Variants in FRS2 observed in about 807,000 individuals in gnomAD.
FRS2 encodes fibroblast growth factor receptor substrate 2, also known as FGFR signalling adaptor.
FRS2 carries 8 observed loss-of-function variants against 43.9 expected under a neutral mutation model. That is an observed-to-expected ratio of 0.18 (90% CI 0.11 to 0.33). The LOEUF is 0.33. FRS2 is among the 10% of genes least tolerant of loss of function. The pLI, the probability that FRS2 is intolerant of heterozygous loss-of-function variation, is 1.00. For missense variants in FRS2, 534 were observed against 627.6 expected, an observed-to-expected ratio of 0.85 and a Z score of 1.59; for synonymous variants, 219 against 220.3, an observed-to-expected ratio of 0.99 and a Z score of 0.05.
intron 7 of FRS2, 41 bp from the exon 8 acceptor site, chr12:69,572,077 C>T (rs989543763): frequency 3.2e-6 from 5 of 1,545,876 alleles, no homozygotes; most frequent in Non-Finnish European, 4.5e-6. Context: ...ATTCTCTCTG[C>T]CCCGCCCCCC....
chr12:69,470,797 C>T (rs1315768711), intron 1 of FRS2, among the ~76,000 whole-genome samples: 3 of 152,120 alleles, frequency 2.0e-5, no homozygotes, highest in Admixed American at 6.5e-5. Flanking sequence ...ATGGGCTGGG[C>T]CTCTGTTCGT....
intron 3 of FRS2, among the ~76,000 whole-genome samples, chr12:69,553,748 G>A (rs914637673): frequency 7.9e-5 from 12 of 152,200 alleles, no homozygotes; most frequent in African/African-American, 2.7e-4. Context: ...AGGAATGGGC[G>A]TAGGTGGTAG....
chr12:69,576,660 C>T lies in FRS2; in HGVS notation c.*1705C>T, dbSNP rs1242854847. 6.6e-6 allele frequency: 1 copy of T among 152,154 alleles called. No individual in the cohort carries two copies. The highest frequency in any genetic ancestry group is 1.5e-5 in the Non-Finnish European group (1 of 68,018). 9.4% of individuals were successfully genotyped at this position (152,154 alleles called of 1,614,324 possible). A position where few individuals can be genotyped will look rare whatever the true frequency, so the allele number is the denominator to read the frequency against. ...ATAGGACAATGATGGATTAGGAGAA[C>T]AATAGAGTGGGATCATTATAAAGAA... On this transcript the variant is annotated 3_prime_UTR_variant, in exon 9 of 9. Transcript: ENST00000549921.
At chr12:69,545,902 A>G (rs1265659415) in intron 3 of FRS2, among the ~76,000 whole-genome samples, 6 of 152,220 alleles carry the variant, frequency 3.9e-5, no homozygotes, top group Non-Finnish European at 7.3e-5. Flanking sequence ...GAAACTGGAT[A>G]TCTACATACA....
intron 1 of FRS2, among the ~76,000 whole-genome samples, chr12:69,517,341 G>A (rs1006712110): frequency 6.6e-6 from 1 of 152,134 alleles, no homozygotes; most frequent in Non-Finnish European, 1.5e-5. Flanking sequence ...TTCATGTTTA[G>A]ACTTGGTCTC....
At chr12:69,513,613 G>A (rs1387023994) in intron 1 of FRS2, among the ~76,000 whole-genome samples, 2 of 152,162 alleles carry the variant, frequency 1.3e-5, no homozygotes, top group Non-Finnish European at 2.9e-5. Context: ...TATTTTAACA[G>A]AGAATTGAAT....
chr12:69,570,715 C>G (rs760575970), intron 6 of FRS2, among the ~76,000 whole-genome samples, 198 bp downstream of exon 6: 1 of 152,126 alleles, frequency 6.6e-6, no homozygotes, highest in South Asian at 2.1e-4. Context: ...AATTTTGGCT[C>G]ATGTCAACTT....
intron 1 of FRS2, among the ~76,000 whole-genome samples, chr12:69,494,833 G>A (rs753489800): frequency 7.2e-5 from 11 of 152,230 alleles, no homozygotes; most frequent in South Asian, 2.1e-4. Context: ...GAGTACAGTG[G>A]TGCACTCTCG....
chr12:69,534,997 C>T (rs1877138825), intron 3 of FRS2, among the ~76,000 whole-genome samples: 1 of 152,078 alleles, frequency 6.6e-6, no homozygotes, highest in African/African-American at 2.4e-5. Context: ...TTAATAGTCC[C>T]AAGTAAATGA....
intron 1 of FRS2, among the ~76,000 whole-genome samples, chr12:69,518,003 T>A (rs539816631): frequency 1.3e-5 from 2 of 151,978 alleles, no homozygotes; most frequent in East Asian, 3.9e-4. Context: ...ATATTAAGCA[T>A]TTTTTTTATG....
At chr12:69,528,545 C>A (rs1206582258) in intron 1 of FRS2, among the ~76,000 whole-genome samples, 3 of 152,168 alleles carry the variant, frequency 2.0e-5, no homozygotes, top group African/African-American at 7.2e-5. Flanking sequence ...AACAAAACAA[C>A]AGTTTAAGAA....
chr12:69,507,962 T>G (rs1259450714), intron 1 of FRS2, among the ~76,000 whole-genome samples: 1 of 142,078 alleles, frequency 7.0e-6, no homozygotes, highest in Non-Finnish European at 1.5e-5. Flanking sequence ...AGGCAGAGGT[T>G]GTGGTGAGCC....
rs71094720 is a variant in FRS2 at position 69,536,101 on chromosome 12, CTTTTTTTTTTTTTTTTTTTTTT to C, written c.-122+4064_-122+4085del. Among the ~76,000 whole-genome samples the C allele has an allele frequency of 9.4e-3, 348 of 37,202 alleles. 1 individual carries two copies. Among genetic ancestry groups the C allele is most frequent in the Non-Finnish European group, 0.015 (287 of 18,810 alleles). 24.4% of individuals were successfully genotyped at this position (37,202 alleles called of 152,430 possible). A position where few individuals can be genotyped will look rare whatever the true frequency, so the allele number is the denominator to read the frequency against. ...TTTTGGTTACTGTAGTATTTTCATT[CTTTTTTTTTTTTTTTTTTTTTT>C]TTTTTTTTTTTTTTTTTTGGAGACG... On this transcript the variant is annotated intron_variant, in intron 3 of 8. Coordinates refer to ENST00000549921, the MANE Select transcript of FRS2 (RefSeq NM_001278356.2).
At chr12:69,536,711 C>G (rs531093972) in intron 3 of FRS2, among the ~76,000 whole-genome samples, 37 of 152,098 alleles carry the variant, frequency 2.4e-4, no homozygotes, top group Non-Finnish European at 4.1e-4. Flanking sequence ...GCTGGGACCA[C>G]AGGCATGCGC....
chr12:69,478,722 T>TTG (rs1355174783), intron 1 of FRS2, among the ~76,000 whole-genome samples: 4 of 99,908 alleles, frequency 4.0e-5, no homozygotes, highest in Admixed American at 1.1e-4. Flanking sequence ...ACATACATCA[T>TTG]TATGTGTGTG....
At position 69,565,230 on chromosome 12, in the gene FRS2, A is replaced by G. The variant is rs7967955; in HGVS notation, c.-27+2956A>G. Reference sequence around the variant, plus strand: ...ATAGAAAAGGTACAGTAAGAAAACTATAAAAGAGAAAAAATGGTACACTTG... The same window carrying G: ...ATAGAAAAGGTACAGTAAGAAAACTGTAAAAGAGAAAAAATGGTACACTTG... On this transcript the variant is annotated intron_variant, in intron 4 of 8. Coordinates refer to ENST00000549921, the MANE Select transcript of FRS2 (RefSeq NM_001278356.2). 9.4e-3 allele frequency among the ~76,000 whole-genome samples: 1,429 copies of G among 152,330 alleles called. 24 individuals carry two copies. The highest frequency in any genetic ancestry group is 0.032 in the African/African-American group (1,319 of 41,564).
intron 4 of FRS2, among the ~76,000 whole-genome samples, chr12:69,566,737 A>G (rs571955218): frequency 6.6e-6 from 1 of 152,322 alleles, no homozygotes; most frequent in Admixed American, 6.5e-5. Context: ...AAAGATAAAC[A>G]TTGCAGTAGA....
At chr12:69,557,626 GCGCGCGCGCGCAGGTGCATGCA>G (rs749396238) in intron 3 of FRS2, among the ~76,000 whole-genome samples, 5 of 142,244 alleles carry the variant, frequency 3.5e-5, no homozygotes, top group African/African-American at 1.4e-4. Flanking sequence ...GTGTGCGCGC[GCGCGCGCGCGCAGGTGCATGCA>G]CGCTAGGATT....
chr12:69,479,390 CTTT>C (rs57688271), intron 1 of FRS2, among the ~76,000 whole-genome samples: 1 of 119,694 alleles, frequency 8.4e-6, no homozygotes. Flanking sequence ...TCTGTTGTTT[CTTT>C]TTTTTTTTTT....
Sources: allele counts gnomAD v4.1 joint callset (sites outside exome capture counted in the v4.1 genomes callset), GRCh38; gene constraint gnomAD v4.1.1; transcripts MANE v1.5; gene names NCBI Gene and HGNC (gene_info 2026-07-23, HGNC 2026-07-21).